Variants in RBFOX1 observed in about 807,000 individuals in gnomAD.
RBFOX1 encodes the protein RNA binding protein fox-1 homolog 1.
In RBFOX1, 8 loss-of-function variants were observed where a neutral mutation model predicts 57.7. That is an observed-to-expected ratio of 0.14 (90% confidence interval 0.08 to 0.25). The LOEUF is 0.25. RBFOX1 is among the 10% of genes least tolerant of loss of function. RBFOX1 has a pLI of 1.00. For synonymous variants in RBFOX1, 326 were observed against 222.4 expected (o/e 1.47, Z -4.15); for missense variants, 611 against 548.5 (o/e 1.11, Z -1.14).
chr16:6,670,508 T>G (rs1028469589), intron 3 of RBFOX1, among the ~76,000 whole-genome samples: 2 of 152,156 alleles, frequency 1.3e-5, no homozygotes, highest in African/African-American at 4.8e-5. Context: ...TTAGAAGAGC[T>G]AAGGATATAA....
intron 3 of RBFOX1, among the ~76,000 whole-genome samples, chr16:6,991,159 AAAAG>A (rs79977541): frequency 1.2e-4 from 18 of 149,598 alleles, no homozygotes; most frequent in Non-Finnish European, 2.4e-4. Context: ...AAAAAAAAAA[AAAAG>A]ACACGGTGGC....
chr16:7,073,403 C>G (rs145610218), intron 4 of RBFOX1, among the ~76,000 whole-genome samples: 110 of 152,218 alleles, frequency 7.2e-4, no homozygotes, highest in African/African-American at 2.4e-3. Flanking sequence ...TTTACAGGGT[C>G]AAGAGCATGC....
intron 1 of RBFOX1, among the ~76,000 whole-genome samples, chr16:6,101,392 C>G (rs541396620): frequency 4.1e-4 from 63 of 152,266 alleles, no homozygotes; most frequent in Non-Finnish European, 7.4e-4. Flanking sequence ...CCATGTGTGG[C>G]TTTATTTTTT....
intron 2 of RBFOX1, among the ~76,000 whole-genome samples, chr16:5,524,695 C>T (rs954910521): frequency 6.6e-6 from 1 of 152,128 alleles, no homozygotes; most frequent in East Asian, 1.9e-4. Flanking sequence ...CGCATGCCAC[C>T]GTGACTGGCT....
At chr16:7,648,264 G>A (rs775090438) in intron 11 of RBFOX1, among the ~76,000 whole-genome samples, 1 of 152,124 alleles carries the variant, frequency 6.6e-6, no homozygotes, top group African/African-American at 2.4e-5. Flanking sequence ...CTGTCACCCA[G>A]GCTGGAGTGC....
rs1282048837 is a variant in RBFOX1, at chr16:7,703,180, T to C, written c.996-5876T>C. The stretch of plus-strand genomic sequence containing the variant: ...ACTTGCATGGATTCATTTTTCCAAA[T>C]ACTTAAGACTATGCCTTAGATATAA... On this transcript the variant is annotated intron_variant, in intron 14 of 15. Coordinates refer to ENST00000550418, the MANE Select transcript of RBFOX1 (RefSeq NM_018723.4). Among the ~76,000 whole-genome samples, 2 of 152,230 alleles carry C rather than the reference T, an allele frequency of 1.3e-5. 1 individual carries two copies. Among genetic ancestry groups the C allele is most frequent in the Non-Finnish European group, 2.9e-5 (2 of 68,040 alleles).
chr16:6,282,355 G>GTTTTT (rs151272388), intron 1 of RBFOX1, among the ~76,000 whole-genome samples: 6 of 125,248 alleles, frequency 4.8e-5, no homozygotes, highest in Non-Finnish European at 8.6e-5. Flanking sequence ...TACCTTGTCT[G>GTTTTT]TTTTTTTTTT....
intron 4 of RBFOX1, among the ~76,000 whole-genome samples, chr16:7,211,925 G>A (rs977363268): frequency 4.6e-5 from 7 of 152,086 alleles, no homozygotes; most frequent in Non-Finnish European, 7.3e-5. Context: ...ACCCACAGGC[G>A]CCGTAAATTG....
intron 3 of RBFOX1, among the ~76,000 whole-genome samples, chr16:5,624,099 G>A (rs1025597569): frequency 6.6e-6 from 1 of 152,222 alleles, no homozygotes; most frequent in Non-Finnish European, 1.5e-5. Flanking sequence ...AGAGTTTGGG[G>A]ATTTGGAAAA....
At chr16:7,149,440 G>C (rs895653237) in intron 4 of RBFOX1, among the ~76,000 whole-genome samples, 1 of 151,256 alleles carries the variant, frequency 6.6e-6, no homozygotes, top group African/African-American at 2.4e-5. Flanking sequence ...TCATGGATTG[G>C]TGCAAGCTTC....
intron 4 of RBFOX1, among the ~76,000 whole-genome samples, chr16:7,380,528 A>G (rs1354799794): frequency 6.6e-6 from 1 of 152,194 alleles, no homozygotes; most frequent in African/African-American, 2.4e-5. Flanking sequence ...GTGTACTGTA[A>G]TTTAAACAAC....
At chr16:6,576,026 C>T (rs989949285) in intron 2 of RBFOX1, among the ~76,000 whole-genome samples, 1 of 151,962 alleles carries the variant, frequency 6.6e-6, no homozygotes, top group Non-Finnish European at 1.5e-5. Flanking sequence ...AGGAGCACCT[C>T]CCCCCATCAC....
chr16:7,025,256 T>A (rs2040543433), intron 3 of RBFOX1, among the ~76,000 whole-genome samples: 1 of 152,164 alleles, frequency 6.6e-6, no homozygotes, highest in Non-Finnish European at 1.5e-5. Flanking sequence ...AACTCTGTGA[T>A]GTTGCCATGG....
chr16:5,711,613 C>T (rs2051491171), intron 3 of RBFOX1, among the ~76,000 whole-genome samples: 1 of 152,148 alleles, frequency 6.6e-6, no homozygotes, highest in East Asian at 1.9e-4. Flanking sequence ...ATGTCCTGGG[C>T]AGCTTTGGGT....
chr16:6,722,820 T>C (rs1200221587), intron 3 of RBFOX1, among the ~76,000 whole-genome samples: 2 of 152,180 alleles, frequency 1.3e-5, no homozygotes, highest in Non-Finnish European at 2.9e-5. Flanking sequence ...GATGGGTACA[T>C]TGGCTGCAAT....
At chr16:7,558,155 A>G (rs188633581) in intron 5 of RBFOX1, among the ~76,000 whole-genome samples, 24 of 152,184 alleles carry the variant, frequency 1.6e-4, no homozygotes, top group Non-Finnish European at 2.9e-4. Flanking sequence ...GGAGTTCAAG[A>G]TCACCCTGGG....
chr16:5,263,867 T>A (rs1596334432), intron 1 of RBFOX1, among the ~76,000 whole-genome samples: 1 of 152,304 alleles, frequency 6.6e-6, no homozygotes, highest in South Asian at 2.1e-4. Flanking sequence ...AAAATATTGC[T>A]GAAGAGAAGT....
At chr16:6,391,849 A>G (rs2092618425) in intron 2 of RBFOX1, among the ~76,000 whole-genome samples, 1 of 152,236 alleles carries the variant, frequency 6.6e-6, no homozygotes, top group Non-Finnish European at 1.5e-5. Context: ...AAGGGAAAAC[A>G]AACATATATA....
intron 4 of RBFOX1, among the ~76,000 whole-genome samples, chr16:5,985,652 G>A (rs944282037): frequency 6.6e-6 from 1 of 152,184 alleles, no homozygotes; most frequent in Non-Finnish European, 1.5e-5. Context: ...GACATTCCTA[G>A]TAGTACTCTT....
Sources: allele counts gnomAD v4.1 joint callset (sites outside exome capture counted in the v4.1 genomes callset), GRCh38; gene constraint gnomAD v4.1.1; transcripts MANE v1.5; gene names NCBI Gene and HGNC (gene_info 2026-07-23, HGNC 2026-07-21).